CAMSAP2: variants seen among roughly 807,000 people sequenced by gnomAD.
The protein encoded by CAMSAP2 is calmodulin-regulated spectrin-associated protein 2.
A neutral mutation model predicts 146.1 loss-of-function variants in CAMSAP2; 26 were observed. That is an observed-to-expected ratio of 0.18 (90% CI 0.13 to 0.25). The LOEUF (loss-of-function observed/expected upper bound fraction) is 0.25. CAMSAP2 is among the 10% of genes least tolerant of loss of function. CAMSAP2 has a pLI of 1.00. For missense variants in CAMSAP2, 1,381 were observed against 1,759.3 expected (o/e 0.78, Z 3.85); for synonymous variants, 499 against 596.6 (o/e 0.84, Z 2.38).
At chr1:200,809,908 A>C (rs1345070438) in intron 3 of CAMSAP2, among the ~76,000 whole-genome samples, 12 of 152,126 alleles carry the variant, frequency 7.9e-5, no homozygotes, top group Admixed American at 5.2e-4. Context: ...GGGCATCATC[A>C]CATGTCTGAG....
At chr1:200,828,434 C>A in intron 4 of CAMSAP2, 1 of 735,790 alleles carries the variant, frequency 1.4e-6, no homozygotes, top group Non-Finnish European at 2.2e-6. Flanking sequence ...TATTTATTAA[C>A]ATATGAAATG....
chr1:200,769,732 A>G (rs59641833), intron 2 of CAMSAP2, among the ~76,000 whole-genome samples: 424 of 152,288 alleles, frequency 2.8e-3, no homozygotes, highest in African/African-American at 9.4e-3. Context: ...GAAAGGGTGC[A>G]CCACCCTCCA....
intron 4 of CAMSAP2, among the ~76,000 whole-genome samples, chr1:200,816,263 G>C (rs992561094): frequency 6.6e-6 from 1 of 151,390 alleles, no homozygotes; most frequent in Non-Finnish European, 1.5e-5. Flanking sequence ...ACTCCAGCCT[G>C]GGGGACAGAG....
In CAMSAP2 at chr1:200,860,134, A is replaced by C. The variant is rs1170761945; in HGVS notation, c.*2075A>C. On this transcript the variant is annotated 3_prime_UTR_variant, in exon 17 of 17. Transcript: ENST00000358823. Reference sequence around the variant, plus strand: ...GAATGTGAATATTGCCACAGAGTTCATTGCTCTCAGTATAAGATTTTACTT... The same window carrying C: ...GAATGTGAATATTGCCACAGAGTTCCTTGCTCTCAGTATAAGATTTTACTT... 6.5e-6 allele frequency: 1 copy of C among 152,746 alleles called. No individual in the cohort carries two copies. The highest frequency in any genetic ancestry group is 1.5e-5 in the Non-Finnish European group (1 of 67,988). The allele number at this position is 152,746 out of a possible 1,614,324, so 9.5% of individuals were successfully genotyped here. A position where few individuals can be genotyped will look rare whatever the true frequency, so the allele number is the denominator to read the frequency against.
chr1:200,837,867 C>A (rs1265243179), intron 6 of CAMSAP2, among the ~76,000 whole-genome samples: 2 of 152,056 alleles, frequency 1.3e-5, no homozygotes, highest in Non-Finnish European at 2.9e-5. Context: ...TGATTTGGCT[C>A]TTGGCTTAAC....
chr1:200,809,299 T>C (rs1666263950), intron 3 of CAMSAP2, among the ~76,000 whole-genome samples: 2 of 152,258 alleles, frequency 1.3e-5, no homozygotes, highest in Admixed American at 1.3e-4. Flanking sequence ...AATGAAGAAT[T>C]TCCCCCTTCA....
rs1666459236 is a variant in CAMSAP2, at chr1:200,815,580, A to T, written c.581A>T (p.Asp194Val). Residue 194 changes from aspartate (D) to valine (V), a missense_variant, in exon 4 of 17, where the codon GAC becomes GTC. Physicochemically the swap from Asp to Val is radical, Grantham distance 152 (BLOSUM62 -3). Around this residue, in one of 4 missense-constraint regions of CAMSAP2, gnomAD observed 284 missense variants for 406.9 expected, o/e 0.70. Coordinates refer to ENST00000358823, the MANE Select transcript of CAMSAP2 (RefSeq NM_203459.4). The part of the protein sequence containing the change: ...WINKVNEHLK[D>V]IMEQEQKLKE... ...TTTAAGGTAAATGAACATTTGAAAG[A>T]CATAATGGAACAAGAACAAAAACTG... 1.3e-6 allele frequency: 2 copies of T among 1,560,028 alleles called. No individual in the cohort carries two copies. The highest frequency in any genetic ancestry group is 2.7e-5 in the African/African-American group (2 of 72,966).
At chr1:200,804,879 A>AT (rs1255760732) in intron 2 of CAMSAP2, among the ~76,000 whole-genome samples, 1 of 151,778 alleles carries the variant, frequency 6.6e-6, no homozygotes, top group South Asian at 2.1e-4. Context: ...TCTGAAACAT[A>AT]TTTTTTTGCT....
intron 11 of CAMSAP2, among the ~76,000 whole-genome samples, chr1:200,851,347 T>G (rs974860999): frequency 6.6e-6 from 1 of 152,088 alleles, no homozygotes; most frequent in African/African-American, 2.4e-5. Flanking sequence ...ATTACAGGCA[T>G]GCACCACAAA....
intron 4 of CAMSAP2, among the ~76,000 whole-genome samples, chr1:200,820,877 A>G (rs570668499): frequency 3.9e-5 from 6 of 152,320 alleles, no homozygotes; most frequent in African/African-American, 1.4e-4. Context: ...ATCCCATAGA[A>G]TTAGTGTTCT....
intron 3 of CAMSAP2, 93 bp from the exon 4 acceptor site, chr1:200,815,468 A>G: frequency 1.8e-6 from 1 of 563,886 alleles, no homozygotes; most frequent in Non-Finnish European, 2.9e-6. Context: ...GGCTCTGACT[A>G]TAGGCATCTT....
intron 4 of CAMSAP2, among the ~76,000 whole-genome samples, chr1:200,823,202 C>A (rs1666819217): frequency 6.6e-6 from 1 of 152,084 alleles, no homozygotes; most frequent in Non-Finnish European, 1.5e-5. Flanking sequence ...CTTCTTCCAC[C>A]CATCTACCTG....
intron 2 of CAMSAP2, among the ~76,000 whole-genome samples, chr1:200,793,821 G>GC (rs2103034111): frequency 6.6e-6 from 1 of 152,096 alleles, no homozygotes; most frequent in African/African-American, 2.4e-5. Flanking sequence ...CATTAAGGTT[G>GC]TAGACTTTCT....
intron 6 of CAMSAP2, among the ~76,000 whole-genome samples, chr1:200,837,872 C>G (rs1667223448): frequency 6.6e-6 from 1 of 152,004 alleles, no homozygotes; most frequent in African/African-American, 2.4e-5. Flanking sequence ...TGGCTCTTGG[C>G]TTAACTGTTG....
At position 200,776,652 on chromosome 1, in the gene CAMSAP2, A is replaced by G. The variant is rs1019798765; in HGVS notation, c.399+15554A>G. 4.7e-4 allele frequency among the ~76,000 whole-genome samples: 71 copies of G among 152,272 alleles called. 1 individual carries two copies. The highest frequency in any genetic ancestry group is 1.7e-3 in the African/African-American group (71 of 41,572). On this transcript the variant is annotated intron_variant, in intron 2 of 16. Transcript: ENST00000358823. ...GGCAGGAGAACCACTTGAACCTGGGAGGTGGAGGTTGCAGTGAGCCGAGAT... is the reference window on the plus strand; with the variant it reads ...GGCAGGAGAACCACTTGAACCTGGGGGGTGGAGGTTGCAGTGAGCCGAGAT...
chr1:200,766,204 C>T (rs1299340957), intron 2 of CAMSAP2, among the ~76,000 whole-genome samples: 1 of 150,280 alleles, frequency 6.7e-6, no homozygotes, highest in Non-Finnish European at 1.5e-5. Flanking sequence ...AGTGCAGTGG[C>T]GCAATCACAA....
At position 200,848,250 on chromosome 1, in the gene CAMSAP2, C is replaced by T; in HGVS notation, c.1481C>T (p.Ser494Phe). 1.2e-6 allele frequency: 2 copies of T among 1,613,370 alleles called. No individual in the cohort carries two copies. The highest frequency in any genetic ancestry group is 1.7e-6 in the Non-Finnish European group (2 of 1,179,676). ...ESIEEELNID[S>F]HSDLKSCVPL... ...ATTGAAGAAGAACTTAATATAGATT[C>T]TCACAGTGACCTCAAATCTTGTGTG... is the stretch of plus-strand genomic sequence containing the variant. The change falls in exon 11 of 17, where the codon TCT becomes TTT. Residue 494 changes from serine to phenylalanine, a missense_variant. Transcript: ENST00000358823.
chr1:200,823,859 GTCT>G (rs1364153884), intron 4 of CAMSAP2, among the ~76,000 whole-genome samples: 14 of 152,116 alleles, frequency 9.2e-5, no homozygotes, highest in Admixed American at 9.2e-4. Flanking sequence ...GAAGATTTGT[GTCT>G]TCTTCCCCAT....
At chr1:200,759,733 T>C (rs1664748817) in intron 1 of CAMSAP2, among the ~76,000 whole-genome samples, 1 of 152,196 alleles carries the variant, frequency 6.6e-6, no homozygotes, top group Admixed American at 6.5e-5. Flanking sequence ...TGGCTAGGTC[T>C]CAGGACAGAG....
Sources: allele counts gnomAD v4.1 joint callset (sites outside exome capture counted in the v4.1 genomes callset), GRCh38; gene constraint gnomAD v4.1.1; regional missense constraint gnomAD v4.1.1; transcripts MANE v1.5; gene names NCBI Gene and HGNC (gene_info 2026-07-23, HGNC 2026-07-21).